SCRIB: variants seen among roughly 807,000 people sequenced by gnomAD.
SCRIB encodes the protein scribble planar cell polarity protein.
Under a neutral mutation model 170.0 loss-of-function variants are expected in SCRIB, and 72 were observed. The observed-to-expected ratio is 0.42, with a 90% CI of 0.35 to 0.52. SCRIB has a LOEUF of 0.52. Among genes scored for constraint, SCRIB ranks in the 20% least tolerant of loss-of-function variants. The pLI is 0.02. For synonymous variants in SCRIB, 1,298 were observed against 1,044.3 expected, an observed-to-expected ratio of 1.24 and a Z score of -4.68; for missense variants, 2,475 against 2,338.5, an observed-to-expected ratio of 1.06 and a Z score of -1.20.
rs140488497 is a variant in SCRIB at position 143,799,631 on chromosome 8, C to T, written c.3603+3752G>A. ...GTCGTTACTGAATCAATCCTCTCGA[C>T]CCCGAGAAGCAGGCACTGCGGGTGA... On this transcript the variant is annotated intron_variant, in intron 24 of 36. Transcript: ENST00000356994. Among the ~76,000 whole-genome samples, 344 of 152,292 alleles carry T rather than the reference C, an allele frequency of 2.3e-3. 7 individuals carry two copies. The highest frequency in any genetic ancestry group is 0.021 in the Admixed American group (322 of 15,298).
At chr8:143,795,220 G>A in intron 26 of SCRIB, 57 bp downstream of exon 26, 1 of 1,607,822 alleles carries the variant, frequency 6.2e-7, no homozygotes, top group African/African-American at 1.3e-5. Context: ...CACCCCACAG[G>A]CAATGTGCAC....
intron 35 of SCRIB, 45 bp downstream of exon 35, chr8:143,791,621 G>A (rs1054645186): frequency 8.4e-6 from 13 of 1,546,102 alleles, no homozygotes; most frequent in Admixed American, 3.4e-5. Flanking sequence ...GCGGTGGCAG[G>A]CACGGACAGG....
At chr8:143,800,701 C>T (rs1321281050) in intron 24 of SCRIB, among the ~76,000 whole-genome samples, 1 of 152,226 alleles carries the variant, frequency 6.6e-6, no homozygotes, top group East Asian at 1.9e-4. Flanking sequence ...ATGACAAAAC[C>T]CCGTTTCTAC....
chr8:143,814,524 C>T (rs1440273304), intron 1 of SCRIB, among the ~76,000 whole-genome samples: 1 of 152,038 alleles, frequency 6.6e-6, no homozygotes, highest in African/African-American at 2.4e-5. Context: ...ACTCAGTAAA[C>T]GCTCCCCACA....
At chr8:143,800,481 C>T (rs1815129340) in intron 24 of SCRIB, among the ~76,000 whole-genome samples, 1 of 152,154 alleles carries the variant, frequency 6.6e-6, no homozygotes. Flanking sequence ...CAGGCTTCTG[C>T]CAGGGGGTGA....
At chr8:143,806,384 G>A (rs1554636555) in intron 18 of SCRIB, 23 bp downstream of exon 18, 4 of 1,578,008 alleles carry the variant, frequency 2.5e-6, no homozygotes, top group Non-Finnish European at 2.6e-6. Context: ...CTGCCACTCG[G>A]GGCGGAGAGG....
chr8:143,807,012 A>C lies in SCRIB; in HGVS notation c.2180T>G (p.Leu727Arg), dbSNP rs782105786. The C allele has an allele frequency of 1.2e-6, 2 of 1,609,264 alleles. No homozygotes were observed. The highest frequency in any genetic ancestry group is 1.7e-6 in the Non-Finnish European group (2 of 1,177,394). Residue 727 changes from leucine to arginine, a missense_variant and splice_region_variant, in exon 17 of 37, where the codon CTG (leucine) becomes CGG (arginine). By Grantham distance (102) the Leu-to-Arg change is moderately radical. Around this residue, in one of 3 missense-constraint regions of SCRIB, gnomAD observed 1,966 missense variants for 1,742.9 expected, o/e 1.13. Coordinates refer to ENST00000356994, the MANE Select transcript of SCRIB (RefSeq NM_182706.5). The part of the protein sequence containing the change: ...IEPARIEEEE[L>R]TLTILRQTGG... ...AGTCTGCCGCAGGATAGTGAGGGTC[A>C]GCTGGAAACAGAACAGACAGGGTGT...
chr8:143,811,796 G>A (rs538287229), intron 9 of SCRIB, among the ~76,000 whole-genome samples: 6 of 151,970 alleles, frequency 3.9e-5, no homozygotes, highest in African/African-American at 7.3e-5. Flanking sequence ...GAACCCCCCC[G>A]GAAACTCCCA....
chr8:143,807,916 A>AGTG (rs1815503258), intron 15 of SCRIB, among the ~76,000 whole-genome samples: 1 of 152,152 alleles, frequency 6.6e-6, no homozygotes, highest in South Asian at 2.1e-4. Flanking sequence ...GGGCAGGGAT[A>AGTG]GTGAGACCCG....
At chr8:143,810,018 C>T (rs1243455359) in intron 13 of SCRIB, among the ~76,000 whole-genome samples, 1 of 152,152 alleles carries the variant, frequency 6.6e-6, no homozygotes, top group Non-Finnish European at 1.5e-5. Flanking sequence ...GAACCTCCTC[C>T]CCTCCCATGC....
rs377185327 is a variant in SCRIB at position 143,792,696 on chromosome 8, C to T, written c.4177+12G>A. 6.3e-5 allele frequency: 100 copies of T among 1,587,120 alleles called. No homozygotes were observed. The Admixed American group carries it at 7.4e-4, about 12-fold the overall frequency. Reference sequence around the variant, plus strand: ...CGAGACCCAACCCCCACCCCACTTCCGTGCCCCTCACCTTCCTCCTCCTGC... The same window carrying T: ...CGAGACCCAACCCCCACCCCACTTCTGTGCCCCTCACCTTCCTCCTCCTGC... On this transcript the variant is annotated intron_variant, in intron 30 of 36. Transcript: ENST00000356994.
rs138846577 is a variant in SCRIB at position 143,794,230 on chromosome 8, G to A, written c.3847-268C>T. On this transcript the variant is annotated intron_variant, in intron 27 of 36. Transcript: ENST00000356994. ...TTGCAGGAGAGATGGGAGCAGACAG[G>A]ACAGCCGGAGAAGAGAGCAGGGAGG... 2.0e-4 allele frequency: 97 copies of A among 483,254 alleles called. No individual in the cohort carries two copies. The Middle Eastern group carries it at 2.1e-3, about 11-fold the overall frequency. 29.9% of individuals were successfully genotyped at this position (483,254 alleles called of 1,614,324 possible).
In SCRIB at chr8:143,811,127, G is replaced by C. The variant is rs1360741045; in HGVS notation, c.1106+19C>G. ...CGTTGGGGCCACGGTTAGGCCCGCA[G>C]GGCAAGGCTGGCACTCACCGGTTCC... On this transcript the variant is annotated intron_variant, in intron 10 of 36. Transcript: ENST00000356994. 1 of 1,598,878 alleles carries C rather than the reference G, an allele frequency of 6.3e-7. No individual in the cohort carries two copies. Among genetic ancestry groups the C allele is most frequent in the South Asian group, 1.1e-5 (1 of 89,524 alleles).
chr8:143,795,830 TAA>T (rs1554634013), intron 24 of SCRIB, among the ~76,000 whole-genome samples: 1 of 152,132 alleles, frequency 6.6e-6, no homozygotes, highest in Non-Finnish European at 1.5e-5. Context: ...GCTGACTGTG[TAA>T]AGTCATCCCC....
intron 24 of SCRIB, among the ~76,000 whole-genome samples, chr8:143,797,204 G>A (rs1475920787): frequency 6.6e-6 from 1 of 152,242 alleles, no homozygotes; most frequent in Non-Finnish European, 1.5e-5. Context: ...AGGTCCTCAA[G>A]CCCCTTCCGT....
rs1226630030 is a variant in SCRIB, at chr8:143,810,667, C to A, written c.1404+19G>T. 1.2e-6 allele frequency: 2 copies of A among 1,602,470 alleles called. No individual in the cohort carries two copies. The highest frequency in any genetic ancestry group is 1.7e-6 in the Non-Finnish European group (2 of 1,171,682). On this transcript the variant is annotated intron_variant, in intron 12 of 36. Transcript: ENST00000356994. ...AGGGGTCAGGCAGAGGTTCGCCCCCCAGATCCTCACCCTCATACCCGCTTC... is the reference window on the plus strand; with the variant it reads ...AGGGGTCAGGCAGAGGTTCGCCCCCAAGATCCTCACCCTCATACCCGCTTC...
chr8:143,795,929 G>A (rs990430755), intron 24 of SCRIB, among the ~76,000 whole-genome samples: 3 of 152,180 alleles, frequency 2.0e-5, no homozygotes, highest in Non-Finnish European at 4.4e-5. Context: ...GCCCCCTCGG[G>A]TGGAAAGGCT....
intron 24 of SCRIB, among the ~76,000 whole-genome samples, chr8:143,800,949 T>C (rs185534094): frequency 7.8e-5 from 8 of 102,074 alleles, no homozygotes; most frequent in Admixed American, 5.8e-4. Context: ...GGCAGGTTCA[T>C]TCGTAAGAGA....
chr8:143,803,455 G>A lies in SCRIB; in HGVS notation c.3531C>T (p.Leu1177=). 1 of 1,597,956 alleles carries A rather than the reference G, an allele frequency of 6.3e-7. No individual in the cohort carries two copies. The highest frequency in any genetic ancestry group is 8.5e-7 in the Non-Finnish European group (1 of 1,178,364). ...CGGTGAGGGTGTCGCCCACACTGCG[G>A]AGCAGCTGCACCGCCTCGCCGTGCG... The part of the protein sequence containing the change: ...GLTHGEAVQL[L]RSVGDTLTVL... Residue 1177 remains leucine (L), a synonymous_variant, in exon 24 of 37, where the codon CTC becomes CTT. Coordinates refer to ENST00000356994, the MANE Select transcript of SCRIB (RefSeq NM_182706.5).
Sources: allele counts gnomAD v4.1 joint callset (sites outside exome capture counted in the v4.1 genomes callset), GRCh38; gene constraint gnomAD v4.1.1; regional missense constraint gnomAD v4.1.1; transcripts MANE v1.5; gene names NCBI Gene and HGNC (gene_info 2026-07-23, HGNC 2026-07-21).